NHEJ1: variants seen among roughly 807,000 people sequenced by gnomAD.
NHEJ1 encodes the protein non-homologous end joining factor 1.
In NHEJ1, 22 loss-of-function variants were observed where a neutral mutation model predicts 39.4. The observed-to-expected ratio is 0.56, with a 90% CI of 0.40 to 0.80. The LOEUF (loss-of-function observed/expected upper bound fraction) is 0.80. Among genes scored for constraint, NHEJ1 ranks in the 30% least tolerant of loss-of-function variants. The pLI is 0.00. For synonymous variants in NHEJ1, 154 were observed against 135.6 expected (o/e 1.14, Z -0.94); for missense variants, 329 against 357.1 (o/e 0.92, Z 0.63).
intron 3 of NHEJ1, among the ~76,000 whole-genome samples, chr2:219,152,789 T>A (rs4372892): frequency 0.2 from 17,078 of 87,392 alleles, 1,105 homozygotes; most frequent in Non-Finnish European, 0.21. Flanking sequence ...ATTTATTTAT[T>A]TTTATTTATT....
chr2:219,144,793 C>T (rs146427866), intron 5 of NHEJ1, among the ~76,000 whole-genome samples: 1 of 152,278 alleles, frequency 6.6e-6, no homozygotes, highest in Non-Finnish European at 1.5e-5. Flanking sequence ...AGGGAACCAG[C>T]ATGTTATCCC....
At position 219,078,203 on chromosome 2, in the gene NHEJ1, G is replaced by A; in HGVS notation, c.592C>T (p.Leu198=). Residue 198 remains leucine (L), a synonymous_variant, in exon 6 of 8, where the codon CTG becomes TTG. Transcript: ENST00000356853. ...SFLEQFMIEK[L]PEACSIGDGK... is the part of the protein sequence containing the mutation. Reference sequence around the variant, plus strand: ...TCACCAATGCTGCATGCCTCTGGCAGTTTCTGTAAGAGAGAGGAGATACTG... The same window carrying A: ...TCACCAATGCTGCATGCCTCTGGCAATTTCTGTAAGAGAGAGGAGATACTG... The A allele has an allele frequency of 6.2e-7, 1 of 1,613,292 alleles. No homozygotes were observed.
At chr2:219,139,521 G>A (rs6724718) in intron 5 of NHEJ1, among the ~76,000 whole-genome samples, 105,992 of 152,048 alleles carry the variant, frequency 0.7, 37,505 homozygotes, top group Non-Finnish European at 0.76. Flanking sequence ...TGAATTATCC[G>A]GATGTTACAA....
At chr2:219,122,655 C>T (rs1949482439) in intron 5 of NHEJ1, among the ~76,000 whole-genome samples, 1 of 152,066 alleles carries the variant, frequency 6.6e-6, no homozygotes, top group African/African-American at 2.4e-5. Context: ...TTAAGATTTG[C>T]CTCCTCCTCA....
In NHEJ1 at chr2:219,146,708, T is replaced by C. The variant is rs146861504; in HGVS notation, c.560A>G (p.Asn187Ser). ...TATCATAAATTGTTCCAAGAAGGAA[T>C]TTTCTTCAAATGGTTCTGTCTTCAA... ...DRLKTEPFEE[N>S]SFLEQFMIEK... The change falls in exon 5 of 8, where the codon AAT becomes AGT. Residue 187 changes from asparagine (N) to serine (S), a missense_variant. Transcript: ENST00000356853. 5.5e-4 allele frequency: 888 copies of C among 1,611,718 alleles called. 4 individuals are homozygous for C. Among genetic ancestry groups the C allele is most frequent in the Middle Eastern group, 2.8e-3 (17 of 6,058 alleles).
At chr2:219,095,116 G>A (rs745624688) in intron 5 of NHEJ1, among the ~76,000 whole-genome samples, 14 of 152,152 alleles carry the variant, frequency 9.2e-5, no homozygotes, top group Non-Finnish European at 1.5e-4. Flanking sequence ...GACTGTATTG[G>A]TCCCATCCTA....
chr2:219,111,669 A>G lies in NHEJ1; in HGVS notation c.589-33463T>C. ...CACACACACACACACACACAGAGAG[A>G]TACATACAGTCAGTGGGAAAGAAGG... On this transcript the variant is annotated intron_variant, in intron 5 of 7. Coordinates refer to ENST00000356853, the MANE Select transcript of NHEJ1 (RefSeq NM_024782.3). This position sits in a 1 kb window ranked among gnomAD's most constrained non-coding sequence, Gnocchi z 4.1. 6.6e-6 allele frequency among the ~76,000 whole-genome samples: 1 copy of G among 152,014 alleles called. No individual in the cohort carries two copies. Among genetic ancestry groups the G allele is most frequent in the African/African-American group, 2.4e-5 (1 of 41,444 alleles).
At chr2:219,076,682 C>A (rs1949017497) in intron 7 of NHEJ1, among the ~76,000 whole-genome samples, 1 of 151,460 alleles carries the variant, frequency 6.6e-6, no homozygotes, top group African/African-American at 2.4e-5. Context: ...TAGCTGAGAC[C>A]ACAGGCACAT....
intron 5 of NHEJ1, among the ~76,000 whole-genome samples, chr2:219,093,089 A>C (rs1224126818): frequency 1.3e-5 from 2 of 152,186 alleles, no homozygotes; most frequent in Non-Finnish European, 2.9e-5. Flanking sequence ...AGCCTTCCAG[A>C]TGAGAAATTC....
At chr2:219,109,959 T>A (rs900083523) in intron 5 of NHEJ1, among the ~76,000 whole-genome samples, 2 of 152,200 alleles carry the variant, frequency 1.3e-5, no homozygotes, top group African/African-American at 2.4e-5. Context: ...GGTAAGGGTA[T>A]GAATAGTTTG....
chr2:219,088,687 C>G (rs1267838626), intron 5 of NHEJ1, among the ~76,000 whole-genome samples: 2 of 152,128 alleles, frequency 1.3e-5, no homozygotes, highest in Non-Finnish European at 2.9e-5. Flanking sequence ...CTTTTGAGTA[C>G]TGGAAATTTT....
intron 5 of NHEJ1, among the ~76,000 whole-genome samples, chr2:219,139,901 G>A (rs1302662611): frequency 1.3e-5 from 2 of 152,206 alleles, no homozygotes; most frequent in Admixed American, 6.5e-5. Flanking sequence ...GGATGGTCTT[G>A]ATTTCCTGAC....
intron 3 of NHEJ1, 23 bp downstream of exon 3, chr2:219,157,449 C>T (rs1415894853): frequency 1.2e-6 from 2 of 1,601,442 alleles, no homozygotes; most frequent in South Asian, 1.1e-5. Context: ...CCTCCCCCAA[C>T]CCCACATTCG....
In NHEJ1 at chr2:219,111,194, C is replaced by G. The variant is rs1949362367; in HGVS notation, c.589-32988G>C. On this transcript the variant is annotated intron_variant, in intron 5 of 7. Coordinates refer to ENST00000356853, the MANE Select transcript of NHEJ1 (RefSeq NM_024782.3). The surrounding 1 kb of genome is among the most constrained non-coding windows in gnomAD (Gnocchi z 4.1). Reference sequence around the variant, plus strand: ...TAGAATTTACTCGTGATACCCAGACCAATGCTCTATTATTCATAAAAGCAT... The same window carrying G: ...TAGAATTTACTCGTGATACCCAGACGAATGCTCTATTATTCATAAAAGCAT... Among the ~76,000 whole-genome samples, 1 of 152,102 alleles carries G rather than the reference C, an allele frequency of 6.6e-6. No individual in the cohort carries two copies. Among genetic ancestry groups the G allele is most frequent in the Non-Finnish European group, 1.5e-5 (1 of 68,006 alleles).
At chr2:219,117,799 T>C (rs1340503146) in intron 5 of NHEJ1, among the ~76,000 whole-genome samples, 1 of 152,220 alleles carries the variant, frequency 6.6e-6, no homozygotes, top group Non-Finnish European at 1.5e-5. Context: ...TCAGTTTTAC[T>C]CTGTATCATA....
chr2:219,091,980 C>A (rs560042516), intron 5 of NHEJ1, among the ~76,000 whole-genome samples: 47 of 152,300 alleles, frequency 3.1e-4, no homozygotes, highest in African/African-American at 1.0e-3. Flanking sequence ...GACACCCTCT[C>A]TGAGCCAGAT....
chr2:219,147,556 G>A lies in NHEJ1; in HGVS notation c.529+101C>T, dbSNP rs1011854289. 3.5e-6 allele frequency: 5 copies of A among 1,429,168 alleles called. No homozygotes were observed. The African/African-American group carries it at 7.0e-5, about 20-fold the overall frequency. 88.5% of individuals were successfully genotyped at this position (1,429,168 alleles called of 1,614,324 possible). A position where few individuals can be genotyped will look rare whatever the true frequency, so the allele number is the denominator to read the frequency against. On this transcript the variant is annotated intron_variant, in intron 4 of 7. Transcript: ENST00000356853. ...TGGTTAGTATTCAGCACCCATCCTG[G>A]GGGAGGCACTTCTCTAATGCAAATG...
At chr2:219,109,013 A>G (rs1295590018) in intron 5 of NHEJ1, among the ~76,000 whole-genome samples, 1 of 152,238 alleles carries the variant, frequency 6.6e-6, no homozygotes, top group African/African-American at 2.4e-5. Context: ...AGAACAAAGG[A>G]TTGGGACTAG....
At position 219,075,079 on chromosome 2, in the gene NHEJ1, C is replaced by T. The variant is rs1218819210; in HGVS notation, c.*1302G>A. 6.6e-6 allele frequency among the ~76,000 whole-genome samples: 1 copy of T among 152,146 alleles called. No individual in the cohort carries two copies. The highest frequency in any genetic ancestry group is 1.5e-5 in the Non-Finnish European group (1 of 68,030). ...TGGAAAGAAGAACCTAATGTCCTTT[C>T]TGGAAAATAAATGTTTTCATTAGTG... On this transcript the variant is annotated 3_prime_UTR_variant, in exon 8 of 8. Transcript: ENST00000356853.
Sources: gnomAD v4.1 joint callset for allele counts (sites outside exome capture counted in the v4.1 genomes callset) on GRCh38, gnomAD v4.1.1 for gene constraint, Gnocchi (gnomAD v3.1) non-coding constraint, MANE v1.5 for transcripts, NCBI Gene and HGNC (gene_info 2026-07-23, HGNC 2026-07-21) for gene names.